The following CMYA5 variants were observed in gnomAD, a reference collection of about 807,000 sequenced individuals.
CMYA5 encodes cardiomyopathy associated 5.
CMYA5 carries 246 observed loss-of-function variants against 318.9 expected under a neutral mutation model. The ratio of observed to expected loss-of-function variants is 0.77; its 90% confidence interval spans 0.70 to 0.86. CMYA5 has a LOEUF of 0.86. Among genes scored for constraint, CMYA5 ranks in the 40% least tolerant of loss-of-function variants. The pLI is 0.00. For missense variants in CMYA5, 4,589 were observed against 4,678.2 expected (o/e 0.98, Z 0.56); for synonymous variants, 1,641 against 1,729.5 (o/e 0.95, Z 1.27).
intron 9 of CMYA5, among the ~76,000 whole-genome samples, chr5:79,788,307 G>A (rs1334536499): frequency 1.3e-5 from 2 of 151,764 alleles, no homozygotes; most frequent in African/African-American, 2.4e-5. Context: ...TAGCTTGTTG[G>A]CAGATTCAGA....
chr5:79,695,467 TACTTACA>T (rs962722331), intron 1 of CMYA5, among the ~76,000 whole-genome samples: 1 of 152,354 alleles, frequency 6.6e-6, no homozygotes, highest in East Asian at 1.9e-4. Flanking sequence ...GTTTTTTAAA[TACTTACA>T]GCACACCTCA....
rs182591428 is a variant in CMYA5 at position 79,768,103 on chromosome 5, C to T, written c.11555+4894C>T. ...TTTGTTGGTTTAAAGTCTGTTTTAT[C>T]AGAGACTAGGATTGCAACCCCTGCT... On this transcript the variant is annotated intron_variant, in intron 9 of 12. Transcript: ENST00000446378. Among the ~76,000 whole-genome samples, 662 of 152,094 alleles carry T rather than the reference C, an allele frequency of 4.4e-3. 1 individual carries two copies. Among genetic ancestry groups the T allele is most frequent in the African/African-American group, 0.015 (632 of 41,488 alleles).
intron 12 of CMYA5, 25 bp from the exon 13 acceptor site, chr5:79,799,345 T>A: frequency 6.3e-7 from 1 of 1,580,458 alleles, no homozygotes; most frequent in South Asian, 1.1e-5. Context: ...CAGAGTTTTA[T>A]GTTTCCCATT....
Position 79,788,958 on chromosome 5 carries a change from C to T in CMYA5, c.11556-13C>T. The T allele has an allele frequency of 1.2e-6, 2 of 1,609,948 alleles. No individual in the cohort carries two copies. Among genetic ancestry groups the T allele is most frequent in the African/African-American group, 1.3e-5 (1 of 74,860 alleles). On this transcript the variant is annotated splice_polypyrimidine_tract_variant and intron_variant, in intron 9 of 12. Coordinates refer to ENST00000446378, the MANE Select transcript of CMYA5 (RefSeq NM_153610.5). ...CATTATGTTTAAAATTATTATTTTCCTCTTGTATTTAGATCTTTCTCTGGA... is the reference window on the plus strand; with the variant it reads ...CATTATGTTTAAAATTATTATTTTCTTCTTGTATTTAGATCTTTCTCTGGA...
intron 6 of CMYA5, among the ~76,000 whole-genome samples, chr5:79,753,038 A>G (rs748491761): frequency 6.6e-5 from 10 of 152,014 alleles, no homozygotes; most frequent in Non-Finnish European, 1.5e-4. Flanking sequence ...GGAAGGAGCC[A>G]TGGAACCAAA....
chr5:79,712,957 G>C (rs925810727), intron 1 of CMYA5, among the ~76,000 whole-genome samples: 5 of 152,158 alleles, frequency 3.3e-5, no homozygotes, highest in African/African-American at 1.2e-4. Context: ...GCAGTGGCTG[G>C]CTTCTGCTCT....
chr5:79,690,215 G>A (rs1486335342), intron 1 of CMYA5, among the ~76,000 whole-genome samples, 159 bp downstream of exon 1: 2 of 152,118 alleles, frequency 1.3e-5, no homozygotes, highest in African/African-American at 4.8e-5. Context: ...AGGTGAAGGT[G>A]CTCGCTGTCA....
chr5:79,751,112 C>T (rs1168723778), intron 5 of CMYA5, among the ~76,000 whole-genome samples: 2 of 152,144 alleles, frequency 1.3e-5, no homozygotes, highest in Non-Finnish European at 2.9e-5. Flanking sequence ...CCTCTGCTTA[C>T]CCTGATCCTT....
rs529823590 is a variant in CMYA5 at position 79,745,229 on chromosome 5, G to A, written c.10742G>A (p.Cys3581Tyr). ...TTGCTTGTTTGTTTTCAGGAAAACT[G>A]TAGTAAAAATGAGAAAAGGCTAGAA... ...ESFFNTIEEN[C>Y]SKNEKRLEEQ... is the part of the protein sequence containing the mutation. The change falls in exon 4 of 13, where the codon TGT (cysteine) becomes TAT (tyrosine). Residue 3581 changes from cysteine to tyrosine, a missense_variant. Around this residue, in one of 3 missense-constraint regions of CMYA5, gnomAD observed 2,431 missense variants for 2,495.1 expected, o/e 0.97. Coordinates refer to ENST00000446378, the MANE Select transcript of CMYA5 (RefSeq NM_153610.5). 1.3e-6 allele frequency: 2 copies of A among 1,568,096 alleles called. No homozygotes were observed. The highest frequency in any genetic ancestry group is 2.7e-5 in the African/African-American group (2 of 73,622).
intron 1 of CMYA5, among the ~76,000 whole-genome samples, chr5:79,691,709 C>A (rs1159498241): frequency 6.6e-6 from 1 of 152,220 alleles, no homozygotes; most frequent in Non-Finnish European, 1.5e-5. Context: ...AAGCATCAAA[C>A]TCTGTAAAAT....
intron 1 of CMYA5, among the ~76,000 whole-genome samples, chr5:79,719,944 A>C (rs1827589229): frequency 6.6e-6 from 1 of 152,238 alleles, no homozygotes. Flanking sequence ...ATACAATAAT[A>C]AAAAATGACA....
Position 79,735,983 on chromosome 5 carries a change from A to G in CMYA5, c.7218A>G (p.Lys2406=), listed in dbSNP as rs2151087288. The stretch of plus-strand genomic sequence containing the variant: ...AAAATATCACAAAGGAATCAGAGAA[A>G]CCAGAGTCAATTATTTTGCCAGTAG... ...ASKNITKESE[K]PESIILPVEE... Residue 2406 remains lysine (K), a synonymous_variant, in exon 2 of 13, where the codon AAA becomes AAG. Transcript: ENST00000446378. 6.2e-7 allele frequency: 1 copy of G among 1,613,320 alleles called. No homozygotes were observed. Among genetic ancestry groups the G allele is most frequent in the South Asian group, 1.1e-5 (1 of 90,838 alleles).
At position 79,738,325 on chromosome 5, in the gene CMYA5, C is replaced by G. The variant is rs1429929006; in HGVS notation, c.9560C>G (p.Pro3187Arg). 6.2e-7 allele frequency: 1 copy of G among 1,613,628 alleles called. No individual in the cohort carries two copies. Among genetic ancestry groups the G allele is most frequent in the Non-Finnish European group, 8.5e-7 (1 of 1,179,816 alleles). Residue 3187 changes from proline (P) to arginine (R), a missense_variant, in exon 2 of 13, where the codon CCT becomes CGT. Around this residue, in one of 3 missense-constraint regions of CMYA5, gnomAD observed 2,431 missense variants for 2,495.1 expected, o/e 0.97. Coordinates refer to ENST00000446378, the MANE Select transcript of CMYA5 (RefSeq NM_153610.5). ...VIDPEFLEEP[P>R]ALAFLYKDLY... ...GATCCAGAATTTCTGGAGGAGCCAC[C>G]TGCACTTGCATTTTTATATAAGGAT...
At chr5:79,719,731 A>G (rs370341754) in intron 1 of CMYA5, among the ~76,000 whole-genome samples, 1 of 152,212 alleles carries the variant, frequency 6.6e-6, no homozygotes, top group Admixed American at 6.5e-5. Context: ...ACACAATCCT[A>G]TAAGCTCTCA....
chr5:79,693,191 A>G (rs192188305), intron 1 of CMYA5, among the ~76,000 whole-genome samples: 1 of 152,302 alleles, frequency 6.6e-6, no homozygotes, highest in Non-Finnish European at 1.5e-5. Flanking sequence ...TATGTTTCTA[A>G]AACTTCATGG....
intron 1 of CMYA5, among the ~76,000 whole-genome samples, chr5:79,709,166 C>T (rs548610833): frequency 6.6e-6 from 1 of 152,120 alleles, no homozygotes; most frequent in South Asian, 2.1e-4. Context: ...CTCTCGTACA[C>T]ACTACTGATA....
At chr5:79,704,214 A>AG (rs1397984168) in intron 1 of CMYA5, among the ~76,000 whole-genome samples, 14 of 152,286 alleles carry the variant, frequency 9.2e-5, no homozygotes, top group African/African-American at 3.1e-4. Flanking sequence ...GAAAAAAAAA[A>AG]AAAGGTATTT....
chr5:79,778,263 GTAAAT>G (rs1432831526), intron 9 of CMYA5: 1 of 152,152 alleles, frequency 6.6e-6, no homozygotes, highest in Non-Finnish European at 1.5e-5. Flanking sequence ...AAATATATTT[GTAAAT>G]TAAATTATTA....
rs747917703 is a variant in CMYA5, at chr5:79,732,125, G to A, written c.3360G>A (p.Glu1120=). 1.2e-6 allele frequency: 2 copies of A among 1,613,822 alleles called. No individual in the cohort carries two copies. The highest frequency in any genetic ancestry group is 1.3e-5 in the African/African-American group (1 of 74,916). ...AQKQKTQAYL[E]PESEDLIPSH... ...AGCAGAAAACTCAAGCATATTTAGA[G>A]CCTGAGTCTGAAGACTTGATTCCTT... The change falls in exon 2 of 13, where the codon GAG becomes GAA. Residue 1120 remains glutamate, a synonymous_variant. Transcript: ENST00000446378.
Sources: allele counts gnomAD v4.1 joint callset (sites outside exome capture counted in the v4.1 genomes callset), GRCh38; gene constraint gnomAD v4.1.1; regional missense constraint gnomAD v4.1.1; transcripts MANE v1.5; gene names NCBI Gene and HGNC (gene_info 2026-07-23, HGNC 2026-07-21).